TMEM132C: variants seen among roughly 807,000 people sequenced by gnomAD.
TMEM132C encodes protein phosphatase 1, regulatory subunit 152.
A neutral mutation model predicts 61.4 loss-of-function variants in TMEM132C; 29 were observed. That is an observed-to-expected ratio of 0.47 (90% confidence interval 0.35 to 0.64). TMEM132C has a LOEUF of 0.64. Ranked by LOEUF, TMEM132C falls within the 30% of genes least tolerant of loss-of-function variation. TMEM132C has a pLI of 0.00. For missense variants in TMEM132C, 1,408 were observed against 1,476.9 expected, an observed-to-expected ratio of 0.95 and a Z score of 0.76; for synonymous variants, 656 against 633.1, an observed-to-expected ratio of 1.04 and a Z score of -0.54.
chr12:128,431,091 C>T (rs34721812), intron 2 of TMEM132C, among the ~76,000 whole-genome samples: 14,817 of 152,186 alleles, frequency 0.097, 942 homozygotes, highest in South Asian at 0.29. Flanking sequence ...ACCCAAGTTG[C>T]GAACGCAAAG....
chr12:128,537,949 T>A (rs547729240), intron 2 of TMEM132C, among the ~76,000 whole-genome samples: 45 of 152,350 alleles, frequency 3.0e-4, no homozygotes, highest in East Asian at 1.7e-3. Flanking sequence ...GCAACTTTTT[T>A]AAATTTACTT....
intron 1 of TMEM132C, among the ~76,000 whole-genome samples, chr12:128,321,178 A>AATAATAATG (rs1555217334): frequency 6.8e-6 from 1 of 147,304 alleles, no homozygotes; most frequent in African/African-American, 2.5e-5. Flanking sequence ...TAATAATAAT[A>AATAATAATG]ATGCCAACAT....
chr12:128,636,564 T>TTGTGTGTGTG lies in TMEM132C; in HGVS notation c.1305+20261_1305+20270dup, dbSNP rs61201583. Among the ~76,000 whole-genome samples, 344 of 142,340 alleles carry TTGTGTGTGTG rather than the reference T, an allele frequency of 2.4e-3. 2 individuals are homozygous for TTGTGTGTGTG. The highest frequency in any genetic ancestry group is 8.7e-3 in the African/African-American group (332 of 38,144). The allele number at this position is 142,340 out of a possible 152,430, so 93.4% of individuals were successfully genotyped here. On this transcript the variant is annotated intron_variant, in intron 4 of 8. Transcript: ENST00000435159. ...TCTGTTTTGTTTTTTGGGTTTTTGT[T>TTGTGTGTGTG]TGTGTGTGTGTGTGTGTGTGTGTGT...
chr12:128,275,981 C>T (rs185525032), intron 1 of TMEM132C, among the ~76,000 whole-genome samples: 16 of 152,232 alleles, frequency 1.1e-4, no homozygotes, highest in Middle Eastern at 3.4e-3. Flanking sequence ...TCTTTGCCTC[C>T]GTCTTCACAT....
At chr12:128,478,562 C>T (rs552588701) in intron 2 of TMEM132C, among the ~76,000 whole-genome samples, 2 of 152,254 alleles carry the variant, frequency 1.3e-5, no homozygotes, top group African/African-American at 2.4e-5. Context: ...TAAACCCTAC[C>T]CAGCCTCTGC....
intron 1 of TMEM132C, among the ~76,000 whole-genome samples, chr12:128,340,290 A>G (rs1458947675): frequency 2.0e-5 from 3 of 152,188 alleles, no homozygotes; most frequent in Non-Finnish European, 2.9e-5. Context: ...TCTAGGTTCA[A>G]AAAGTCTTCT....
At chr12:128,395,242 A>T (rs1874908504) in intron 1 of TMEM132C, among the ~76,000 whole-genome samples, 1 of 150,684 alleles carries the variant, frequency 6.6e-6, no homozygotes, top group Admixed American at 6.6e-5. Context: ...AATTTAATAG[A>T]ATATTAAACT....
chr12:128,377,693 A>G (rs1311518693), intron 1 of TMEM132C, among the ~76,000 whole-genome samples: 3 of 152,208 alleles, frequency 2.0e-5, no homozygotes, highest in African/African-American at 4.8e-5. Context: ...ACCGTGGGAC[A>G]CACCCCAGCA....
rs752812682 is a variant in TMEM132C, at chr12:128,414,796, T to C, written c.150T>C (p.Pro50=). The C allele has an allele frequency of 5.8e-5, 90 of 1,541,570 alleles. No homozygotes were observed. Among genetic ancestry groups the C allele is most frequent in the Non-Finnish European group, 7.6e-5 (87 of 1,146,936 alleles). The change falls in exon 2 of 9, where the codon CCT becomes CCC. Residue 50 remains proline (P), a synonymous_variant. Coordinates refer to ENST00000435159, the MANE Select transcript of TMEM132C (RefSeq NM_001136103.3). ...QRFSSLPPYL[P]VSYHILRAET... ...TCTCCTCACTGCCACCTTACCTACC[T>C]GTGAGCTACCACATCCTCAGAGCAG...
chr12:128,497,307 A>G (rs1327450405), intron 2 of TMEM132C, among the ~76,000 whole-genome samples: 2 of 152,196 alleles, frequency 1.3e-5, no homozygotes, highest in Non-Finnish European at 2.9e-5. Flanking sequence ...TAGTCTGTCC[A>G]TTCTCAGATC....
At chr12:128,612,067 A>G (rs75440118) in intron 3 of TMEM132C, among the ~76,000 whole-genome samples, 4,937 of 152,324 alleles carry the variant, frequency 0.032, 183 homozygotes, top group African/African-American at 0.091. Context: ...ACAAAAATAA[A>G]GAGACAAGGG....
At chr12:128,591,046 G>T (rs1472623506) in intron 3 of TMEM132C, among the ~76,000 whole-genome samples, 1 of 152,130 alleles carries the variant, frequency 6.6e-6, no homozygotes, top group Admixed American at 6.5e-5. Context: ...GCCTCCCAAA[G>T]TCCTGGGATT....
intron 1 of TMEM132C, among the ~76,000 whole-genome samples, chr12:128,316,743 T>G (rs1872166926): frequency 6.6e-6 from 1 of 152,184 alleles, no homozygotes; most frequent in Non-Finnish European, 1.5e-5. Context: ...CACCTCAAGT[T>G]AATTTTTTTG....
At chr12:128,416,528 T>C (rs1354558392) in intron 2 of TMEM132C, among the ~76,000 whole-genome samples, 1 of 152,250 alleles carries the variant, frequency 6.6e-6, no homozygotes, top group African/African-American at 2.4e-5. Flanking sequence ...TTGGCTCTTG[T>C]TAGAATTCAG....
At chr12:128,340,073 A>T (rs1872907924) in intron 1 of TMEM132C, among the ~76,000 whole-genome samples, 1 of 152,190 alleles carries the variant, frequency 6.6e-6, no homozygotes. Flanking sequence ...TACATAAGGC[A>T]CTAGGGGCGT....
intron 2 of TMEM132C, among the ~76,000 whole-genome samples, chr12:128,437,598 G>T (rs755072292): frequency 1.3e-5 from 2 of 152,168 alleles, no homozygotes; most frequent in Middle Eastern, 3.2e-3. Context: ...GGAAAATCTT[G>T]CCTACAAGCC....
chr12:128,678,425 T>C (rs1038965028), intron 5 of TMEM132C, among the ~76,000 whole-genome samples: 5 of 152,142 alleles, frequency 3.3e-5, no homozygotes, highest in African/African-American at 1.2e-4. Context: ...CAAAGTGCAG[T>C]TTAAATGGCA....
intron 1 of TMEM132C, among the ~76,000 whole-genome samples, chr12:128,381,104 A>G (rs1390939475): frequency 6.6e-6 from 1 of 152,220 alleles, no homozygotes; most frequent in Non-Finnish European, 1.5e-5. Context: ...CAAGGACCGC[A>G]GAAAGGCCAC....
intron 3 of TMEM132C, among the ~76,000 whole-genome samples, 160 bp downstream of exon 3, chr12:128,544,263 C>G (rs1303362880): frequency 1.3e-5 from 2 of 152,356 alleles, no homozygotes; most frequent in East Asian, 3.9e-4. Context: ...CATGCAGGAC[C>G]CTCTGCCTCT....
Sources: allele counts gnomAD v4.1 joint callset (sites outside exome capture counted in the v4.1 genomes callset), GRCh38; gene constraint gnomAD v4.1.1; transcripts MANE v1.5; gene names NCBI Gene and HGNC (gene_info 2026-07-23, HGNC 2026-07-21).